FTO: variants seen among roughly 807,000 people sequenced by gnomAD.
FTO encodes FTO alpha-ketoglutarate dependent dioxygenase.
Under a neutral mutation model 63.9 loss-of-function variants are expected in FTO, and 47 were observed. That is an observed-to-expected ratio of 0.74 (90% CI 0.58 to 0.94). FTO has a LOEUF of 0.94. Among genes scored for constraint, FTO ranks in the 40% least tolerant of loss-of-function variants. The pLI, the probability that FTO is intolerant of heterozygous loss-of-function variation, is 0.00. For synonymous variants in FTO, 207 were observed against 224.4 expected, an observed-to-expected ratio of 0.92 and a Z score of 0.69; for missense variants, 562 against 618.1, an observed-to-expected ratio of 0.91 and a Z score of 0.96.
At chr16:54,001,280 C>A (rs1168571620) in intron 8 of FTO, among the ~76,000 whole-genome samples, 1 of 152,126 alleles carries the variant, frequency 6.6e-6, no homozygotes, top group African/African-American at 2.4e-5. Context: ...TAGTTTTTTC[C>A]GTGCCATTCT....
chr16:53,766,667 G>A (rs117430099), intron 1 of FTO, among the ~76,000 whole-genome samples: 5,813 of 152,258 alleles, frequency 0.038, 120 homozygotes, highest in Admixed American at 0.043. Context: ...CTGTTGTGGA[G>A]AGGGAATCCG....
intron 8 of FTO, among the ~76,000 whole-genome samples, chr16:54,058,497 G>A (rs1389813925): frequency 2.6e-5 from 4 of 152,158 alleles, no homozygotes; most frequent in African/African-American, 9.7e-5. Flanking sequence ...GTGGGGCTCA[G>A]GAAGAAGGAA....
At chr16:53,835,375 A>G (rs767844532) in intron 3 of FTO, among the ~76,000 whole-genome samples, 7 of 152,192 alleles carry the variant, frequency 4.6e-5, no homozygotes, top group Admixed American at 6.5e-5. Context: ...ATGTCCTACA[A>G]TGTTTTCTTC....
chr16:53,792,978 T>C (rs892206211), intron 1 of FTO, among the ~76,000 whole-genome samples: 3 of 152,202 alleles, frequency 2.0e-5, no homozygotes, highest in Non-Finnish European at 2.9e-5. Context: ...CAGTATTTGA[T>C]TGTGAGGAAG....
intron 8 of FTO, among the ~76,000 whole-genome samples, chr16:53,954,952 C>T (rs1313704983): frequency 6.6e-6 from 1 of 152,032 alleles, no homozygotes; most frequent in Non-Finnish European, 1.5e-5. Context: ...GATTCATTCC[C>T]AACTCTTTGG....
chr16:53,833,484 A>G (rs2079198372), intron 3 of FTO, among the ~76,000 whole-genome samples: 1 of 152,202 alleles, frequency 6.6e-6, no homozygotes, highest in Non-Finnish European at 1.5e-5. Flanking sequence ...GCTATGGTGG[A>G]TAAAGTTGCT....
In FTO at chr16:54,120,592, G is replaced by A. The variant is rs1184104739; in HGVS notation, c.*8677G>A. The A allele has an allele frequency of 1.3e-5, 2 of 152,206 alleles. No individual in the cohort carries two copies. The highest frequency in any genetic ancestry group is 2.9e-5 in the Non-Finnish European group (2 of 68,036). The allele number at this position is 152,206 out of a possible 1,614,324, so 9.4% of individuals were successfully genotyped here. Reference sequence around the variant, plus strand: ...ATATTTTATAGATGGGGCAATGGAAGTCCAGATGGGAGAAGTTATTTCAGG... The same window carrying A: ...ATATTTTATAGATGGGGCAATGGAAATCCAGATGGGAGAAGTTATTTCAGG... On this transcript the variant is annotated 3_prime_UTR_variant, in exon 9 of 9. Coordinates refer to ENST00000471389, the MANE Select transcript of FTO (RefSeq NM_001080432.3).
intron 1 of FTO, among the ~76,000 whole-genome samples, chr16:53,789,420 C>A (rs2077835163): frequency 6.6e-6 from 1 of 152,130 alleles, no homozygotes; most frequent in African/African-American, 2.4e-5. Flanking sequence ...AAAAACTTGA[C>A]CGTTCTCTTG....
intron 7 of FTO, among the ~76,000 whole-genome samples, chr16:53,902,541 C>G (rs17222465): frequency 1.3e-5 from 2 of 152,076 alleles, no homozygotes; most frequent in African/African-American, 4.8e-5. Flanking sequence ...AACTTTTTCT[C>G]TACCCTGTGT....
intron 7 of FTO, among the ~76,000 whole-genome samples, chr16:53,894,850 G>A (rs1163533396): frequency 2.0e-5 from 3 of 152,138 alleles, no homozygotes; most frequent in African/African-American, 7.2e-5. Flanking sequence ...GCAGTGCTGA[G>A]TGACTCAAGA....
chr16:54,112,742 C>G lies in FTO; in HGVS notation c.*827C>G, dbSNP rs1186151495. On this transcript the variant is annotated 3_prime_UTR_variant, in exon 9 of 9. Transcript: ENST00000471389. Reference sequence around the variant, plus strand: ...TTAATAATTAAAATAAAGTTGATATCCTGTCTTTAGGGAGTTCCCTTGATC... The same window carrying G: ...TTAATAATTAAAATAAAGTTGATATGCTGTCTTTAGGGAGTTCCCTTGATC... 1 of 152,190 alleles carries G rather than the reference C, an allele frequency of 6.6e-6. No individual in the cohort carries two copies. Among genetic ancestry groups the G allele is most frequent in the African/African-American group, 2.4e-5 (1 of 41,446 alleles). 9.4% of individuals were successfully genotyped at this position (152,190 alleles called of 1,614,324 possible).
chr16:54,117,261 C>T lies in FTO; in HGVS notation c.*5346C>T, dbSNP rs1340791107. ...AATAAGTTAATGCGTATTTAAAATGCCTCCCACAGTACCTGACATATACTG... is the reference window on the plus strand; with the variant it reads ...AATAAGTTAATGCGTATTTAAAATGTCTCCCACAGTACCTGACATATACTG... On this transcript the variant is annotated 3_prime_UTR_variant, in exon 9 of 9. Transcript: ENST00000471389. 7.9e-5 allele frequency: 12 copies of T among 152,124 alleles called. No individual in the cohort carries two copies. The highest frequency in any genetic ancestry group is 1.3e-4 in the Non-Finnish European group (9 of 68,026). The allele number at this position is 152,124 out of a possible 1,614,324, so 9.4% of individuals were successfully genotyped here.
At chr16:53,788,248 A>G (rs2077802050) in intron 1 of FTO, among the ~76,000 whole-genome samples, 1 of 134,062 alleles carries the variant, frequency 7.5e-6, no homozygotes. Context: ...TTCTTTCTCT[A>G]CTCTTAACAT....
intron 1 of FTO, 71 bp downstream of exon 1, chr16:53,704,300 G>T: frequency 6.9e-7 from 1 of 1,459,826 alleles, no homozygotes. Context: ...GGAAGGGCTT[G>T]GTTTGATGGC....
chr16:54,107,385 G>A (rs2144619537), intron 8 of FTO, among the ~76,000 whole-genome samples: 1 of 152,242 alleles, frequency 6.6e-6, no homozygotes, highest in Non-Finnish European at 1.5e-5. Flanking sequence ...ACTTTCTTTA[G>A]CAACATTATC....
At chr16:53,793,634 C>G (rs532955653) in intron 1 of FTO, among the ~76,000 whole-genome samples, 10 of 152,108 alleles carry the variant, frequency 6.6e-5, no homozygotes, top group African/African-American at 2.4e-4. Context: ...GTGAACTCTG[C>G]TAGGGACTAA....
chr16:53,959,347 A>C (rs2083010774), intron 8 of FTO, among the ~76,000 whole-genome samples: 1 of 152,164 alleles, frequency 6.6e-6, no homozygotes, highest in African/African-American at 2.4e-5. Flanking sequence ...GAATAGTTGC[A>C]GTCCTAACAA....
chr16:53,833,465 C>T (rs1489889108), intron 3 of FTO, among the ~76,000 whole-genome samples: 4 of 152,116 alleles, frequency 2.6e-5, no homozygotes, highest in Admixed American at 2.0e-4. Flanking sequence ...TCATAATAGC[C>T]ATCTTTTGGC....
At chr16:53,867,566 T>A (rs867964619) in intron 4 of FTO, among the ~76,000 whole-genome samples, 26 of 151,920 alleles carry the variant, frequency 1.7e-4, no homozygotes, top group African/African-American at 5.8e-4. Context: ...TAAGTGAAAG[T>A]AATGATAACA....
Sources: gnomAD v4.1 joint callset for allele counts (sites outside exome capture counted in the v4.1 genomes callset) on GRCh38, gnomAD v4.1.1 for gene constraint, MANE v1.5 for transcripts, NCBI Gene and HGNC (gene_info 2026-07-23, HGNC 2026-07-21) for gene names.